Variants in AKT3 observed in about 807,000 individuals in gnomAD.
AKT3 encodes RAC-gamma serine/threonine-protein kinase.
AKT3 carries 15 observed loss-of-function variants against 65.3 expected under a neutral mutation model. The observed-to-expected ratio is 0.23, with a 90% CI of 0.15 to 0.35. The LOEUF (loss-of-function observed/expected upper bound fraction) is 0.35, where lower values mean the gene tolerates loss of function less well. Ranked by LOEUF, AKT3 falls within the 10% of genes least tolerant of loss-of-function variation. The probability of loss-of-function intolerance (pLI) is 1.00; values close to 1 mark genes in which losing one functional copy is unlikely to be tolerated. For missense variants in AKT3, 243 were observed against 576.5 expected (o/e 0.42, Z 5.92); for synonymous variants, 206 against 183.8 (o/e 1.12, Z -0.98).
intron 2 of AKT3, among the ~76,000 whole-genome samples, chr1:243,720,851 A>C (rs1686848781): frequency 6.6e-6 from 1 of 152,182 alleles, no homozygotes; most frequent in Non-Finnish European, 1.5e-5. Flanking sequence ...GAAAATAAGC[A>C]TGTAAAGCAT....
chr1:243,768,621 G>A (rs1251481933), intron 2 of AKT3, among the ~76,000 whole-genome samples: 1 of 152,084 alleles, frequency 6.6e-6, no homozygotes, highest in Non-Finnish European at 1.5e-5. Flanking sequence ...GCAGATCACA[G>A]GTCAGGAGTT....
At chr1:243,822,987 C>G (rs1211071170) in intron 2 of AKT3, among the ~76,000 whole-genome samples, 1 of 151,976 alleles carries the variant, frequency 6.6e-6, no homozygotes, top group Non-Finnish European at 1.5e-5. Context: ...AAAAAGAAAA[C>G]TTCAGCCAAT....
Position 243,776,687 on chromosome 1 carries a change from T to C in AKT3, c.46+66438A>G, listed in dbSNP as rs1025173490. ...TTTTACAGAAGAAAAAATTATAGCT[T>C]ACACAGACTAAATAACCTCCCTACA... is the stretch of plus-strand genomic sequence containing the variant. On this transcript the variant is annotated intron_variant, in intron 2 of 13. Transcript: ENST00000673466. Among the ~76,000 whole-genome samples, 85 of 152,292 alleles carry C rather than the reference T, an allele frequency of 5.6e-4. 1 individual carries two copies. The highest frequency in any genetic ancestry group is 1.9e-3 in the African/African-American group (80 of 41,564).
intron 2 of AKT3, among the ~76,000 whole-genome samples, chr1:243,755,576 C>A (rs1231346127): frequency 6.6e-6 from 1 of 152,120 alleles, no homozygotes; most frequent in Non-Finnish European, 1.5e-5. Flanking sequence ...TAATCATGTT[C>A]TCTATGTTAC....
chr1:243,755,981 G>A (rs1689113884), intron 2 of AKT3, among the ~76,000 whole-genome samples: 1 of 152,166 alleles, frequency 6.6e-6, no homozygotes, highest in African/African-American at 2.4e-5. Flanking sequence ...AAGAAGTAGT[G>A]GCCAGCATGA....
intron 2 of AKT3, among the ~76,000 whole-genome samples, chr1:243,822,959 C>G (rs890051254): frequency 1.6e-4 from 25 of 152,170 alleles, no homozygotes; most frequent in African/African-American, 5.8e-4. Context: ...ACACCAAAAC[C>G]CAGGAGAGAT....
intron 13 of AKT3, among the ~76,000 whole-genome samples, chr1:243,505,866 T>C (rs1055511019): frequency 5.9e-5 from 9 of 152,248 alleles, no homozygotes; most frequent in Admixed American, 1.3e-4. Flanking sequence ...GATAAAACTT[T>C]AGCATGAAGG....
intron 11 of AKT3, chr1:243,548,098 G>A (rs1316729642): frequency 6.6e-6 from 1 of 152,148 alleles, no homozygotes; most frequent in Non-Finnish European, 1.5e-5. Context: ...GGCATTCTAA[G>A]CTTGTGCTTG....
chr1:243,672,914 A>G (rs900334497), intron 3 of AKT3, among the ~76,000 whole-genome samples: 2 of 152,234 alleles, frequency 1.3e-5, no homozygotes, highest in South Asian at 4.1e-4. Context: ...CCTACTTGAA[A>G]TTCCAAATAA....
chr1:243,662,844 T>C, intron 4 of AKT3, among the ~76,000 whole-genome samples: 1 of 152,198 alleles, frequency 6.6e-6, no homozygotes, highest in East Asian at 1.9e-4. Context: ...TTTGTATTAA[T>C]ACTGTTTTTT....
At chr1:243,717,833 TA>T (rs1210761994) in intron 2 of AKT3, among the ~76,000 whole-genome samples, 1 of 152,250 alleles carries the variant, frequency 6.6e-6, no homozygotes, top group African/African-American at 2.4e-5. Flanking sequence ...GTTATTGAAC[TA>T]GTTCTTTTGA....
chr1:243,698,614 T>A (rs75693607), intron 2 of AKT3, among the ~76,000 whole-genome samples: 1,908 of 152,188 alleles, frequency 0.013, 44 homozygotes, highest in African/African-American at 0.044. Context: ...GTATTATGCA[T>A]CCTTCAAACG....
At chr1:243,698,868 G>A (rs2148034910) in intron 2 of AKT3, among the ~76,000 whole-genome samples, 1 of 149,560 alleles carries the variant, frequency 6.7e-6, no homozygotes, top group Non-Finnish European at 1.5e-5. Flanking sequence ...TTTCTGAGAA[G>A]ATGCTTAGAA....
intron 2 of AKT3, among the ~76,000 whole-genome samples, chr1:243,830,559 GCAAA>G (rs1455255629): frequency 6.6e-6 from 1 of 152,062 alleles, no homozygotes; most frequent in African/African-American, 2.4e-5. Context: ...GCTCAGGAGG[GCAAA>G]CAAAGACCAC....
chr1:243,724,089 A>C (rs1275671210), intron 2 of AKT3, among the ~76,000 whole-genome samples: 1 of 152,170 alleles, frequency 6.6e-6, no homozygotes, highest in African/African-American at 2.4e-5. Context: ...AATAATCCTC[A>C]AAGTATTCAG....
chr1:243,671,123 G>A (rs1683130101), intron 3 of AKT3, among the ~76,000 whole-genome samples: 1 of 147,730 alleles, frequency 6.8e-6, no homozygotes, highest in Non-Finnish European at 1.5e-5. Flanking sequence ...CTGTTGCCCA[G>A]GCTGGAGTGC....
chr1:243,713,131 G>A (rs973377170), intron 2 of AKT3, among the ~76,000 whole-genome samples: 1 of 152,164 alleles, frequency 6.6e-6, no homozygotes, highest in African/African-American at 2.4e-5. Flanking sequence ...TTTATGTGCC[G>A]ACTAGTGTTA....
At chr1:243,724,590 G>T (rs900623572) in intron 2 of AKT3, among the ~76,000 whole-genome samples, 1 of 152,016 alleles carries the variant, frequency 6.6e-6, no homozygotes, top group African/African-American at 2.4e-5. Context: ...GACTTACCAT[G>T]GCACTTAATA....
intron 2 of AKT3, among the ~76,000 whole-genome samples, chr1:243,816,895 A>G (rs994833898): frequency 2.0e-5 from 3 of 152,338 alleles, no homozygotes; most frequent in South Asian, 2.1e-4. Flanking sequence ...CATTCTTCCT[A>G]TGAGGAAATG....
Sources: allele counts gnomAD v4.1 joint callset (sites outside exome capture counted in the v4.1 genomes callset), GRCh38; gene constraint gnomAD v4.1.1; transcripts MANE v1.5; gene names NCBI Gene and HGNC (gene_info 2026-07-23, HGNC 2026-07-21).